Variants in SEMA5A observed in about 807,000 individuals in gnomAD.
SEMA5A encodes the protein semaphorin-5A.
Under a neutral mutation model 135.5 loss-of-function variants are expected in SEMA5A, and 55 were observed. The observed-to-expected ratio is 0.41, with a 90% CI of 0.33 to 0.51. SEMA5A has a LOEUF of 0.51. Among genes scored for constraint, SEMA5A ranks in the 20% least tolerant of loss-of-function variants. The pLI is 0.37. For missense variants in SEMA5A, 1,290 were observed against 1,419.9 expected, an observed-to-expected ratio of 0.91 and a Z score of 1.47; for synonymous variants, 580 against 546.5, an observed-to-expected ratio of 1.06 and a Z score of -0.85.
chr5:9,138,505 T>C (rs958779754), intron 12 of SEMA5A, among the ~76,000 whole-genome samples: 2 of 152,268 alleles, frequency 1.3e-5, no homozygotes, highest in African/African-American at 4.8e-5. Context: ...TCAATAAATA[T>C]AGCTCTACCT....
chr5:9,314,191 G>A (rs1752289781), intron 5 of SEMA5A, among the ~76,000 whole-genome samples: 1 of 152,106 alleles, frequency 6.6e-6, no homozygotes, highest in South Asian at 2.1e-4. Context: ...ATTTGTGGTA[G>A]AAAACCATCT....
chr5:9,044,743 C>T (rs1259211491), intron 21 of SEMA5A, among the ~76,000 whole-genome samples, 159 bp from the exon 22 acceptor site: 1 of 152,076 alleles, frequency 6.6e-6, no homozygotes, highest in Non-Finnish European at 1.5e-5. Context: ...TTGGAAATGT[C>T]ATGGCCATCA....
intron 4 of SEMA5A, among the ~76,000 whole-genome samples, 162 bp downstream of exon 4, chr5:9,337,551 T>C (rs1291939496): frequency 6.6e-6 from 1 of 152,210 alleles, no homozygotes; most frequent in Non-Finnish European, 1.5e-5. Flanking sequence ...CAACATCTTA[T>C]TAGCAGTAGT....
intron 1 of SEMA5A, among the ~76,000 whole-genome samples, chr5:9,496,026 A>G (rs988342252): frequency 3.9e-5 from 6 of 152,096 alleles, no homozygotes; most frequent in Admixed American, 3.9e-4. Context: ...TGGGAACTCA[A>G]TATTTCTTTT....
intron 5 of SEMA5A, among the ~76,000 whole-genome samples, chr5:9,294,848 T>A (rs1400230116): frequency 6.6e-6 from 1 of 152,178 alleles, no homozygotes; most frequent in Non-Finnish European, 1.5e-5. Context: ...TCACTTGGTC[T>A]GTTTTCCTCC....
chr5:9,238,832 A>T (rs1270556644), intron 5 of SEMA5A, among the ~76,000 whole-genome samples: 2 of 152,132 alleles, frequency 1.3e-5, no homozygotes, highest in Non-Finnish European at 2.9e-5. Context: ...TTCTGAAGGA[A>T]CAGGGATGTG....
intron 16 of SEMA5A, among the ~76,000 whole-genome samples, chr5:9,076,122 T>G (rs1208330298): frequency 6.6e-6 from 1 of 150,570 alleles, no homozygotes; most frequent in East Asian, 2.0e-4. Flanking sequence ...GGAGAATTGC[T>G]TGAACCCGGG....
Position 9,224,657 on chromosome 5 carries a change from A to G in SEMA5A, c.646+17T>C. The G allele has an allele frequency of 6.2e-7, 1 of 1,610,834 alleles. No homozygotes were observed. The highest frequency in any genetic ancestry group is 8.5e-7 in the Non-Finnish European group (1 of 1,177,040). ...AAGACAAATGAGGTGAGAAAGAGGG[A>G]GTGACGGAAGGCTTACCATTGAGCC... On this transcript the variant is annotated intron_variant, in intron 8 of 22. Transcript: ENST00000382496.
At chr5:9,185,048 C>T (rs1264827651) in intron 11 of SEMA5A, among the ~76,000 whole-genome samples, 2 of 152,214 alleles carry the variant, frequency 1.3e-5, no homozygotes, top group Non-Finnish European at 2.9e-5. Flanking sequence ...CCAACTCAGC[C>T]TCCAGAGTAG....
At chr5:9,172,748 G>T (rs565662518) in intron 11 of SEMA5A, among the ~76,000 whole-genome samples, 1 of 152,104 alleles carries the variant, frequency 6.6e-6, no homozygotes, top group Non-Finnish European at 1.5e-5. Flanking sequence ...TTACACATGA[G>T]AACAATTCTT....
At chr5:9,319,793 A>G (rs1482836083) in intron 4 of SEMA5A, among the ~76,000 whole-genome samples, 3 of 132,942 alleles carry the variant, frequency 2.3e-5, no homozygotes, top group African/African-American at 5.6e-5. Context: ...TACAACACCT[A>G]TAAGACATAA....
At chr5:9,077,746 G>A (rs1029126124) in intron 16 of SEMA5A, among the ~76,000 whole-genome samples, 3 of 152,176 alleles carry the variant, frequency 2.0e-5, no homozygotes, top group Admixed American at 6.5e-5. Context: ...GGGAGTAACT[G>A]AGCCAAAATC....
intron 2 of SEMA5A, among the ~76,000 whole-genome samples, chr5:9,435,619 A>C (rs182758386): frequency 4.6e-4 from 70 of 152,288 alleles, no homozygotes; most frequent in African/African-American, 1.6e-3. Flanking sequence ...TCACTATACT[A>C]TGAGGTCTTC....
chr5:9,504,581 C>T (rs971069560), intron 1 of SEMA5A, among the ~76,000 whole-genome samples: 4 of 152,300 alleles, frequency 2.6e-5, no homozygotes, highest in Middle Eastern at 3.4e-3. Flanking sequence ...CATGGTGAGG[C>T]GCAAGGGGAA....
At chr5:9,536,644 G>T (rs554301633) in intron 1 of SEMA5A, among the ~76,000 whole-genome samples, 1 of 151,062 alleles carries the variant, frequency 6.6e-6, no homozygotes, top group Non-Finnish European at 1.5e-5. Context: ...ACAGGAAACT[G>T]CAGTCTAGGA....
intron 5 of SEMA5A, among the ~76,000 whole-genome samples, chr5:9,255,611 G>A (rs1749027897): frequency 6.6e-6 from 1 of 152,132 alleles, no homozygotes. Flanking sequence ...CTCATCACTA[G>A]CTGCTCCTTC....
intron 3 of SEMA5A, among the ~76,000 whole-genome samples, chr5:9,357,567 G>T (rs1033576749): frequency 6.6e-6 from 1 of 152,202 alleles, no homozygotes; most frequent in African/African-American, 2.4e-5. Context: ...TACCCAGGGA[G>T]AGGAGATCCT....
chr5:9,253,626 C>T (rs1294098544), intron 5 of SEMA5A, among the ~76,000 whole-genome samples: 2 of 152,066 alleles, frequency 1.3e-5, no homozygotes, highest in Non-Finnish European at 2.9e-5. Context: ...ATTTATGTTC[C>T]TACTAATACA....
intron 2 of SEMA5A, among the ~76,000 whole-genome samples, chr5:9,392,400 GTAAATACA>G (rs1756200972): frequency 6.6e-6 from 1 of 152,000 alleles, no homozygotes; most frequent in African/African-American, 2.4e-5. Context: ...GTATATACAA[GTAAATACA>G]TAAATAAATA....
Sources: allele counts gnomAD v4.1 joint callset (sites outside exome capture counted in the v4.1 genomes callset), GRCh38; gene constraint gnomAD v4.1.1; transcripts MANE v1.5; gene names NCBI Gene and HGNC (gene_info 2026-07-23, HGNC 2026-07-21).